PCDH7: variants seen among roughly 807,000 people sequenced by gnomAD.
PCDH7 encodes protocadherin-7.
In PCDH7, 17 loss-of-function variants were observed where a neutral mutation model predicts 58.9. The ratio of observed to expected loss-of-function variants is 0.29; its 90% CI spans 0.20 to 0.43. The LOEUF (loss-of-function observed/expected upper bound fraction) is 0.43. Among genes scored for constraint, PCDH7 ranks in the 20% least tolerant of loss-of-function variants. PCDH7 has a pLI of 1.00. For synonymous variants in PCDH7, 664 were observed against 616.4 expected (o/e 1.08, Z -1.14); for missense variants, 1,274 against 1,441.0 (o/e 0.88, Z 1.88).
intron 3 of PCDH7, among the ~76,000 whole-genome samples, chr4:31,048,651 G>T (rs1756481416): frequency 6.6e-6 from 1 of 151,738 alleles, no homozygotes; most frequent in Non-Finnish European, 1.5e-5. Context: ...ACAAATAGTT[G>T]ATTTTTCCAT....
At chr4:30,911,713 G>C (rs1409718070) in intron 1 of PCDH7, among the ~76,000 whole-genome samples, 1 of 152,088 alleles carries the variant, frequency 6.6e-6, no homozygotes, top group Non-Finnish European at 1.5e-5. Context: ...CCGAGAAGCT[G>C]ACTTGCACTT....
intron 1 of PCDH7, among the ~76,000 whole-genome samples, chr4:30,913,537 T>C (rs1340448068): frequency 6.6e-6 from 1 of 152,156 alleles, no homozygotes; most frequent in African/African-American, 2.4e-5. Flanking sequence ...GTACAGTTTT[T>C]GAGAGCTTTT....
intron 3 of PCDH7, among the ~76,000 whole-genome samples, chr4:31,022,937 C>T (rs1372159186): frequency 6.6e-6 from 1 of 151,746 alleles, no homozygotes; most frequent in East Asian, 1.9e-4. Context: ...AGGAAAAGCA[C>T]GGGAAAGATA....
chr4:30,945,046 A>C (rs997329414), intron 2 of PCDH7, among the ~76,000 whole-genome samples: 2 of 152,142 alleles, frequency 1.3e-5, no homozygotes, highest in Non-Finnish European at 2.9e-5. Flanking sequence ...TAAGAAAAAT[A>C]TATCTCAGCT....
At chr4:30,984,376 G>A (rs1276111353) in intron 3 of PCDH7, among the ~76,000 whole-genome samples, 2 of 152,156 alleles carry the variant, frequency 1.3e-5, no homozygotes, top group African/African-American at 2.4e-5. Context: ...AGAACATATG[G>A]AAAGAGCAAT....
chr4:30,824,099 C>CTTTCTTTCTTTCTTTCTTTCTTTCTTTT (rs1560407659), intron 1 of PCDH7, among the ~76,000 whole-genome samples: 4 of 111,308 alleles, frequency 3.6e-5, no homozygotes, highest in African/African-American at 1.0e-4. Context: ...TTCTTTCTTT[C>CTTTCTTTCTTTCTTTCTTTCTTTCTTTT]TTTCTTTCTT....
At chr4:30,791,687 C>A (rs1724139037) in intron 1 of PCDH7, among the ~76,000 whole-genome samples, 1 of 152,140 alleles carries the variant, frequency 6.6e-6, no homozygotes, top group African/African-American at 2.4e-5. Context: ...TGCTATAATT[C>A]AAATATAATT....
intron 3 of PCDH7, among the ~76,000 whole-genome samples, chr4:31,061,841 T>C (rs1757714821): frequency 6.6e-6 from 1 of 151,772 alleles, no homozygotes; most frequent in African/African-American, 2.4e-5. Flanking sequence ...TCAGAATTGA[T>C]TGACCAATTG....
At chr4:31,027,139 C>T (rs1254385631) in intron 3 of PCDH7, among the ~76,000 whole-genome samples, 1 of 152,064 alleles carries the variant, frequency 6.6e-6, no homozygotes, top group Non-Finnish European at 1.5e-5. Context: ...TTTATCTTTA[C>T]CAGACCCAAC....
At chr4:31,027,407 T>C (rs1754523932) in intron 3 of PCDH7, among the ~76,000 whole-genome samples, 1 of 152,134 alleles carries the variant, frequency 6.6e-6, no homozygotes, top group Admixed American at 6.5e-5. Flanking sequence ...TATGTGTATG[T>C]ATGTTATTAT....
intron 2 of PCDH7, among the ~76,000 whole-genome samples, chr4:30,933,852 T>C (rs1198342462): frequency 6.6e-6 from 1 of 152,206 alleles, no homozygotes. Context: ...ACAAGCTCAA[T>C]CTTTAATTAT....
intron 2 of PCDH7, among the ~76,000 whole-genome samples, chr4:30,933,565 A>AT (rs976869748): frequency 1.3e-5 from 2 of 151,986 alleles, no homozygotes; most frequent in African/African-American, 4.8e-5. Flanking sequence ...TATATAAAGG[A>AT]TTTTTTTCAA....
chr4:30,892,679 A>G (rs1405770477), intron 1 of PCDH7, among the ~76,000 whole-genome samples: 1 of 152,084 alleles, frequency 6.6e-6, no homozygotes, highest in African/African-American at 2.4e-5. Context: ...TAGTAAATTA[A>G]GAATCTTTTT....
At chr4:30,910,262 A>G (rs1741551895) in intron 1 of PCDH7, among the ~76,000 whole-genome samples, 1 of 152,192 alleles carries the variant, frequency 6.6e-6, no homozygotes. Context: ...GGACATAGGC[A>G]TGGGCAAAGA....
At chr4:30,845,911 T>A (rs1731885578) in intron 1 of PCDH7, among the ~76,000 whole-genome samples, 1 of 152,106 alleles carries the variant, frequency 6.6e-6, no homozygotes, top group South Asian at 2.1e-4. Context: ...CTTATTTGAA[T>A]GCTGTGAAAC....
chr4:30,730,691 TG>T (rs1180028539), intron 1 of PCDH7: 2 of 1,307,252 alleles, frequency 1.5e-6, no homozygotes, highest in African/African-American at 3.0e-5. Flanking sequence ...CATAAGACAC[TG>T]GGGAAAATTT....
intron 3 of PCDH7, among the ~76,000 whole-genome samples, chr4:30,974,634 G>C (rs1005003255): frequency 6.6e-6 from 1 of 152,062 alleles, no homozygotes; most frequent in Admixed American, 6.6e-5. Flanking sequence ...CAAAATATCC[G>C]GGAGTGCCAA....
At chr4:30,994,697 G>T (rs964854590) in intron 3 of PCDH7, among the ~76,000 whole-genome samples, 8 of 151,964 alleles carry the variant, frequency 5.3e-5, no homozygotes, top group African/African-American at 1.9e-4. Context: ...CAATGTTTTG[G>T]TAAAAGTCAA....
At chr4:31,126,122 C>T (rs1360032726) in intron 3 of PCDH7, among the ~76,000 whole-genome samples, 2 of 144,404 alleles carry the variant, frequency 1.4e-5, no homozygotes, top group African/African-American at 5.3e-5. Flanking sequence ...TTGACATATC[C>T]TTTCTTTTTT....
Sources: gnomAD v4.1 joint callset for allele counts (sites outside exome capture counted in the v4.1 genomes callset) on GRCh38, gnomAD v4.1.1 for gene constraint, MANE v1.5 for transcripts, NCBI Gene and HGNC (gene_info 2026-07-23, HGNC 2026-07-21) for gene names.